Variants in DNAH12 observed in about 807,000 individuals in gnomAD.
DNAH12 encodes the protein axonemal beta dynein heavy chain 12.
In DNAH12, 285 loss-of-function variants were observed where a neutral mutation model predicts 371.5. That is an observed-to-expected ratio of 0.77 (90% CI 0.70 to 0.85). The LOEUF (loss-of-function observed/expected upper bound fraction) is 0.85, where lower values mean the gene tolerates loss of function less well. DNAH12 is among the 40% of genes least tolerant of loss of function. The probability of loss-of-function intolerance (pLI) is 0.00; values close to 1 mark genes in which losing one functional copy is unlikely to be tolerated. For missense variants in DNAH12, 3,611 were observed against 3,689.4 expected (o/e 0.98, Z 0.55); for synonymous variants, 1,200 against 1,213.0 (o/e 0.99, Z 0.22).
intron 25 of DNAH12, among the ~76,000 whole-genome samples, chr3:57,449,637 A>G (rs1019040126): frequency 6.6e-6 from 1 of 152,162 alleles, no homozygotes; most frequent in Non-Finnish European, 1.5e-5. Flanking sequence ...CCGGCTGCTC[A>G]GAGTGCGGGG....
chr3:57,540,232 G>A (rs1290594080), intron 2 of DNAH12, among the ~76,000 whole-genome samples: 2 of 151,288 alleles, frequency 1.3e-5, no homozygotes, highest in African/African-American at 4.9e-5. Context: ...TGTATTTTTA[G>A]TAGAGACAGG....
At chr3:57,395,561 T>TA (rs1415097363) in intron 43 of DNAH12, among the ~76,000 whole-genome samples, 6 of 152,098 alleles carry the variant, frequency 3.9e-5, no homozygotes, top group African/African-American at 1.4e-4. Flanking sequence ...TTCTTAGAAA[T>TA]AAGTTTCTGT....
intron 69 of DNAH12, among the ~76,000 whole-genome samples, chr3:57,303,339 C>CAA (rs1310949192): frequency 0.048 from 2,966 of 61,234 alleles, 91 homozygotes; most frequent in Non-Finnish European, 0.075. Context: ...GACGCCAGCT[C>CAA]AAAAAAAAAA....
intron 55 of DNAH12, among the ~76,000 whole-genome samples, chr3:57,368,847 T>C (rs2063106119): frequency 6.6e-6 from 1 of 152,158 alleles, no homozygotes; most frequent in Non-Finnish European, 1.5e-5. Flanking sequence ...CTCTTCCTCA[T>C]GGATGATGCT....
At chr3:57,391,040 C>T (rs941916510) in intron 45 of DNAH12, among the ~76,000 whole-genome samples, 46,059 of 151,936 alleles carry the variant, frequency 0.3, 8,260 homozygotes, top group Non-Finnish European at 0.41. Context: ...CCATCCTCTC[C>T]CCACCCTTCT....
chr3:57,303,775 G>T (rs2061412504), intron 69 of DNAH12, among the ~76,000 whole-genome samples: 1 of 152,138 alleles, frequency 6.6e-6, no homozygotes, highest in Admixed American at 6.5e-5. Context: ...ATACCATTGT[G>T]TGTTTTTATT....
the DNAH12 span, among the ~76,000 whole-genome samples, chr3:57,552,339 G>C: frequency 6.6e-6 from 1 of 151,866 alleles, no homozygotes; most frequent in Admixed American, 6.5e-5. Context: ...TTACAGGCAT[G>C]AGCCATTGTG....
intron 45 of DNAH12, among the ~76,000 whole-genome samples, chr3:57,390,420 A>ATATATATATATATATATAT: frequency 6.7e-5 from 2 of 30,040 alleles, no homozygotes; most frequent in African/African-American, 1.3e-4. Flanking sequence ...AAAAAAAAAA[A>ATATATATATATATATATAT]AAAAATATAT....
Position 57,456,483 on chromosome 3 carries a change from TTAACA to T in DNAH12, c.3336+1233_3336+1237del, listed in dbSNP as rs571011610. 2.9e-4 allele frequency among the ~76,000 whole-genome samples: 44 copies of T among 152,334 alleles called. 2 individuals carry two copies. In the East Asian group the frequency reaches 7.3e-3, roughly 25 times the overall value. ...ATCATTCAAGATTAGGTTAATTGGA[TTAACA>T]TAAGTGAGATACATGTAGTGCCAAG... On this transcript the variant is annotated intron_variant, in intron 22 of 73. Coordinates refer to ENST00000495027, the MANE Select transcript of DNAH12 (RefSeq NM_001366028.2).
At chr3:57,340,277 C>G (rs2062362117) in intron 60 of DNAH12, among the ~76,000 whole-genome samples, 1 of 150,414 alleles carries the variant, frequency 6.6e-6, no homozygotes, top group East Asian at 2.0e-4. Flanking sequence ...AAAGCAAGAA[C>G]AAACCAAACT....
chr3:57,481,823 G>T (rs112197241), intron 13 of DNAH12, among the ~76,000 whole-genome samples: 1 of 150,498 alleles, frequency 6.6e-6, no homozygotes, highest in East Asian at 1.9e-4. Flanking sequence ...AATGGGGAAA[G>T]GATTCCCTAT....
At chr3:57,404,547 C>T (rs2063966924) in intron 42 of DNAH12, among the ~76,000 whole-genome samples, 1 of 152,008 alleles carries the variant, frequency 6.6e-6, no homozygotes, top group South Asian at 2.1e-4. Context: ...GAAACCCCAT[C>T]TCTACTAAAA....
rs533652415 is a variant in DNAH12, at chr3:57,521,802, G to A, written c.279+1781C>T. Among the ~76,000 whole-genome samples the A allele has an allele frequency of 2.2e-4, 34 of 151,424 alleles. No homozygotes were observed. In the South Asian group the frequency reaches 6.7e-3, roughly 30 times the overall value. On this transcript the variant is annotated intron_variant, in intron 4 of 73. Transcript: ENST00000495027. ...CTCAGGAGGCTGAGGCAGAAGAATCGCTTGAACCCGGGAGACAGAGGTAGC... is the reference window on the plus strand; with the variant it reads ...CTCAGGAGGCTGAGGCAGAAGAATCACTTGAACCCGGGAGACAGAGGTAGC...
intron 2 of DNAH12, among the ~76,000 whole-genome samples, chr3:57,539,947 T>C (rs565780624): frequency 4.5e-4 from 68 of 151,894 alleles, no homozygotes; most frequent in Non-Finnish European, 8.5e-4. Flanking sequence ...GCATCTATCA[T>C]CATCTAAAAG....
In DNAH12 at chr3:57,293,786, C is replaced by T. The variant is rs1368777853; in HGVS notation, c.11878G>A (p.Asp3960Asn). 2.0e-6 allele frequency: 3 copies of T among 1,529,512 alleles called. No homozygotes were observed. Among genetic ancestry groups the T allele is most frequent in the Non-Finnish European group, 2.6e-6 (3 of 1,134,496 alleles). 94.7% of individuals were successfully genotyped at this position (1,529,512 alleles called of 1,614,324 possible). A position where few individuals can be genotyped will look rare whatever the true frequency, so the allele number is the denominator to read the frequency against. Reference protein sequence around the residue: ...RGVALLCQLDD With the variant: ...RGVALLCQLDN The stretch of plus-strand genomic sequence containing the variant: ...GTTTTATAAATTTGTCCAATTTAGT[C>T]ATCCAACTGACAAAGCAAAGCAACC... The change falls in exon 74 of 74, where the codon GAC becomes AAC. Residue 3960 changes from aspartate (D) to asparagine (N), a missense_variant. Asp to Asn is a conservative substitution (Grantham distance 23). This residue lies in a region of DNAH12 where 2,266 missense variants were observed against 2,236.9 expected (regional missense o/e 1.01). Coordinates refer to ENST00000495027, the MANE Select transcript of DNAH12 (RefSeq NM_001366028.2).
intron 4 of DNAH12, among the ~76,000 whole-genome samples, chr3:57,517,799 C>A (rs1448555861): frequency 6.6e-6 from 1 of 152,126 alleles, no homozygotes; most frequent in East Asian, 1.9e-4. Flanking sequence ...GTAATCCCAG[C>A]ACTTTGCGAG....
At chr3:57,442,655 C>A (rs371648850) in intron 29 of DNAH12, among the ~76,000 whole-genome samples, 1 of 152,076 alleles carries the variant, frequency 6.6e-6, no homozygotes, top group South Asian at 2.1e-4. Context: ...CTGGAATCTA[C>A]GGATTTATTG....
At chr3:57,359,060 A>T (rs1032305794) in intron 58 of DNAH12, among the ~76,000 whole-genome samples, 4 of 152,176 alleles carry the variant, frequency 2.6e-5, no homozygotes, top group Non-Finnish European at 4.4e-5. Flanking sequence ...CTGGGATTAC[A>T]GGCATGAGCC....
chr3:57,468,701 C>T, intron 17 of DNAH12, 35 bp downstream of exon 17: 2 of 1,216,678 alleles, frequency 1.6e-6, no homozygotes, highest in Non-Finnish European at 2.1e-6. Flanking sequence ...GAGAAGATAG[C>T]TATAATATTA....
Sources: allele counts gnomAD v4.1 joint callset (sites outside exome capture counted in the v4.1 genomes callset), GRCh38; gene constraint gnomAD v4.1.1; regional missense constraint gnomAD v4.1.1; transcripts MANE v1.5; gene names NCBI Gene and HGNC (gene_info 2026-07-23, HGNC 2026-07-21).